The following COL21A1 variants were observed in gnomAD, a reference collection of about 807,000 sequenced individuals.
COL21A1 encodes collagen type XXI alpha 1 chain.
A neutral mutation model predicts 137.9 loss-of-function variants in COL21A1; 149 were observed. That is an observed-to-expected ratio of 1.08 (90% CI 0.95 to 1.24). The LOEUF is 1.24. Among genes scored for constraint, COL21A1 ranks in the 50% most tolerant of loss-of-function variants. The probability of loss-of-function intolerance (pLI) is 0.00; values close to 1 mark genes in which losing one functional copy is unlikely to be tolerated. For synonymous variants in COL21A1, 456 were observed against 391.5 expected (o/e 1.16, Z -1.95); for missense variants, 1,167 against 1,158.4 (o/e 1.01, Z -0.11).
intron 17 of COL21A1, among the ~76,000 whole-genome samples, chr6:56,088,659 C>T (rs1351028423): frequency 5.3e-5 from 8 of 152,214 alleles, no homozygotes. Context: ...CTTATAATGT[C>T]ACAACTTTTT....
At chr6:56,239,167 C>A (rs1782103559) in intron 1 of COL21A1, among the ~76,000 whole-genome samples, 1 of 152,118 alleles carries the variant, frequency 6.6e-6, no homozygotes, top group South Asian at 2.1e-4. Context: ...ATATTTTCTG[C>A]TTTTTAGAAA....
intron 9 of COL21A1, 89 bp from the exon 10 acceptor site, chr6:56,157,038 T>A: frequency 1.2e-6 from 1 of 814,806 alleles, no homozygotes; most frequent in Non-Finnish European, 1.9e-6. Flanking sequence ...ACCAATTCCA[T>A]TATTTGAGGT....
intron 1 of COL21A1, among the ~76,000 whole-genome samples, chr6:56,382,414 T>C (rs898757195): frequency 6.6e-6 from 1 of 152,202 alleles, no homozygotes; most frequent in East Asian, 1.9e-4. Flanking sequence ...AGTTATGAGA[T>C]AGGTTCTCTG....
intron 1 of COL21A1, among the ~76,000 whole-genome samples, chr6:56,255,337 GTGTGTGTGTGTGT>G (rs1782943213): frequency 4.6e-4 from 12 of 25,918 alleles, no homozygotes; most frequent in African/African-American, 9.7e-4. Flanking sequence ...TTAAGAGGGT[GTGTGTGTGTGTGT>G]GTGTGTGTGT....
At chr6:56,304,297 A>G (rs959965857) in intron 1 of COL21A1, among the ~76,000 whole-genome samples, 31 of 152,056 alleles carry the variant, frequency 2.0e-4, no homozygotes, top group African/African-American at 7.2e-4. Flanking sequence ...GAATAGTTTC[A>G]GAAGGAATGG....
At chr6:56,283,874 A>ACTCTCTCTCTCTCT (rs66937943) in intron 1 of COL21A1, among the ~76,000 whole-genome samples, 3 of 146,188 alleles carry the variant, frequency 2.1e-5, no homozygotes, top group African/African-American at 7.7e-5. Context: ...TCACACACAC[A>ACTCTCTCTCTCTCT]CTCTCTCTCT....
At chr6:56,203,814 G>A (rs1779567309) in intron 1 of COL21A1, among the ~76,000 whole-genome samples, 1 of 152,196 alleles carries the variant, frequency 6.6e-6, no homozygotes, top group Non-Finnish European at 1.5e-5. Context: ...AGCCCACAGA[G>A]GGCGAGCTGA....
chr6:56,323,368 A>G (rs1479795837), intron 1 of COL21A1, among the ~76,000 whole-genome samples: 1 of 152,016 alleles, frequency 6.6e-6, no homozygotes, highest in African/African-American at 2.4e-5. Flanking sequence ...TTCCTTAGGT[A>G]TGCTTCAAAT....
chr6:56,295,680 T>C (rs2152336330), intron 1 of COL21A1, among the ~76,000 whole-genome samples: 1 of 152,100 alleles, frequency 6.6e-6, no homozygotes, highest in South Asian at 2.1e-4. Context: ...TATACCTGTT[T>C]ATTTCTTTTT....
chr6:56,304,360 C>T (rs1582767982), intron 1 of COL21A1, among the ~76,000 whole-genome samples: 1 of 151,994 alleles, frequency 6.6e-6, no homozygotes, highest in East Asian at 1.9e-4. Flanking sequence ...TCCATCTGGT[C>T]CTGGACTTTT....
intron 1 of COL21A1, among the ~76,000 whole-genome samples, chr6:56,237,732 G>A (rs1782002120): frequency 6.6e-6 from 1 of 152,096 alleles, no homozygotes; most frequent in Non-Finnish European, 1.5e-5. Flanking sequence ...AATATTTAGA[G>A]GCACAGTTAA....
chr6:56,113,968 G>T (rs1005519262), intron 16 of COL21A1, among the ~76,000 whole-genome samples: 1 of 152,174 alleles, frequency 6.6e-6, no homozygotes, highest in Non-Finnish European at 1.5e-5. Flanking sequence ...ATGAGGTGAG[G>T]CTCCTCTGCC....
chr6:56,319,340 GTTTA>G (rs1340520988), intron 1 of COL21A1, among the ~76,000 whole-genome samples: 1 of 152,146 alleles, frequency 6.6e-6, no homozygotes, highest in Admixed American at 6.6e-5. Flanking sequence ...CTTTTGTACT[GTTTA>G]TTTATTTGTT....
chr6:56,247,175 A>G (rs1234524617), intron 1 of COL21A1, among the ~76,000 whole-genome samples: 2 of 152,224 alleles, frequency 1.3e-5, no homozygotes, highest in African/African-American at 4.8e-5. Flanking sequence ...AGATTCATTA[A>G]CATGAAGTAA....
chr6:56,190,085 C>T (rs1778558579), intron 1 of COL21A1, among the ~76,000 whole-genome samples: 1 of 152,006 alleles, frequency 6.6e-6, no homozygotes, highest in African/African-American at 2.4e-5. Context: ...CAAGAAATAA[C>T]TAAGAGCAGA....
At chr6:56,316,537 A>G (rs1450117119) in intron 1 of COL21A1, among the ~76,000 whole-genome samples, 3 of 115,200 alleles carry the variant, frequency 2.6e-5, no homozygotes, top group Non-Finnish European at 4.9e-5. Flanking sequence ...GCGGGAGTGC[A>G]GTTGCGTGAT....
At chr6:56,124,157 A>G in intron 15 of COL21A1, 42 bp from the exon 16 acceptor site, 2 of 1,532,598 alleles carry the variant, frequency 1.3e-6, no homozygotes, top group Non-Finnish European at 1.8e-6. Context: ...TTTTGCACTA[A>G]TTTTTTCTCT....
intron 1 of COL21A1, among the ~76,000 whole-genome samples, chr6:56,282,887 A>G (rs1763813999): frequency 6.6e-6 from 1 of 151,926 alleles, no homozygotes; most frequent in Non-Finnish European, 1.5e-5. Flanking sequence ...GAGTTAATAA[A>G]CTCCTGTTTG....
intron 12 of COL21A1, among the ~76,000 whole-genome samples, chr6:56,140,960 G>A (rs1774361520): frequency 6.6e-6 from 1 of 152,116 alleles, no homozygotes. Flanking sequence ...AAAGCAGTCA[G>A]CATAAGATGC....
Sources: gnomAD v4.1 joint callset for allele counts (sites outside exome capture counted in the v4.1 genomes callset) on GRCh38, gnomAD v4.1.1 for gene constraint, MANE v1.5 for transcripts, NCBI Gene and HGNC (gene_info 2026-07-23, HGNC 2026-07-21) for gene names.